AOAH: variants seen among roughly 807,000 people sequenced by gnomAD.
AOAH encodes the protein acyloxyacyl hydrolase, also known as acyloxyacyl hydrolase (neutrophil).
AOAH carries 64 observed loss-of-function variants against 92.2 expected under a neutral mutation model. The ratio of observed to expected loss-of-function variants is 0.69; its 90% CI spans 0.57 to 0.86. AOAH has a LOEUF of 0.86. Ranked by LOEUF, AOAH falls within the 40% of genes least tolerant of loss-of-function variation. The pLI, the probability that AOAH is intolerant of heterozygous loss-of-function variation, is 0.00. For missense variants in AOAH, 656 were observed against 694.6 expected (o/e 0.94, Z 0.62); for synonymous variants, 263 against 254.5 (o/e 1.03, Z -0.32).
chr7:36,594,760 T>G (rs1176722748), intron 11 of AOAH: 1 of 353,632 alleles, frequency 2.8e-6, no homozygotes, highest in East Asian at 7.0e-5. Flanking sequence ...TTTTGCAGTT[T>G]AGGCCATCAG....
chr7:36,573,929 A>G (rs1788316235), intron 13 of AOAH, among the ~76,000 whole-genome samples: 1 of 152,174 alleles, frequency 6.6e-6, no homozygotes, highest in African/African-American at 2.4e-5. Context: ...AAATCAGTGT[A>G]GCCCCATAAA....
intron 4 of AOAH, among the ~76,000 whole-genome samples, chr7:36,645,861 T>A (rs770578484): frequency 6.6e-6 from 1 of 152,206 alleles, no homozygotes; most frequent in Non-Finnish European, 1.5e-5. Flanking sequence ...GAATGCCTCT[T>A]CTTCATACAT....
chr7:36,643,965 T>G (rs1794076066), intron 4 of AOAH, among the ~76,000 whole-genome samples: 1 of 152,226 alleles, frequency 6.6e-6, no homozygotes, highest in Non-Finnish European at 1.5e-5. Context: ...CAATTAAACT[T>G]CTTTTCTCTA....
chr7:36,665,919 T>C (rs1302751042), intron 3 of AOAH, among the ~76,000 whole-genome samples: 1 of 152,116 alleles, frequency 6.6e-6, no homozygotes, highest in Non-Finnish European at 1.5e-5. Flanking sequence ...TAGCGTATAA[T>C]TCTTTTTAAA....
At chr7:36,608,671 T>C (rs1029852069) in intron 11 of AOAH, among the ~76,000 whole-genome samples, 1 of 152,214 alleles carries the variant, frequency 6.6e-6, no homozygotes, top group African/African-American at 2.4e-5. Flanking sequence ...GAGACTATTC[T>C]ACATGTAAGT....
intron 13 of AOAH, among the ~76,000 whole-genome samples, chr7:36,565,802 A>G (rs893466001): frequency 2.0e-5 from 3 of 152,038 alleles, no homozygotes; most frequent in Non-Finnish European, 4.4e-5. Flanking sequence ...CGGCTTCCCA[A>G]TGTGTTGAGA....
rs1008299176 is a variant in AOAH at position 36,614,862 on chromosome 7, T to G, written c.846+1518A>C. On this transcript the variant is annotated intron_variant, in intron 11 of 20. Transcript: ENST00000617537. The surrounding 1 kb of genome is among the most constrained non-coding windows in gnomAD (Gnocchi z 4.2). ...AGACTTTTGGGGGTCACCTGACTGCTGTGGACTGGGGAGACAGGCCCTGGG... is the reference window on the plus strand; with the variant it reads ...AGACTTTTGGGGGTCACCTGACTGCGGTGGACTGGGGAGACAGGCCCTGGG... Among the ~76,000 whole-genome samples, 5 of 152,146 alleles carry G rather than the reference T, an allele frequency of 3.3e-5. No homozygotes were observed. The highest frequency in any genetic ancestry group is 5.9e-5 in the Non-Finnish European group (4 of 68,002).
chr7:36,576,495 C>A, intron 13 of AOAH, 79 bp downstream of exon 13: 1 of 811,816 alleles, frequency 1.2e-6, no homozygotes, highest in Non-Finnish European at 1.9e-6. Flanking sequence ...TTATCTGAAT[C>A]TCAGCTTTTG....
intron 1 of AOAH, among the ~76,000 whole-genome samples, chr7:36,718,321 G>A (rs1240876788): frequency 1.3e-5 from 2 of 152,164 alleles, no homozygotes; most frequent in South Asian, 2.1e-4. Context: ...TTGGCAAGAA[G>A]GTGGAGAAGT....
chr7:36,658,052 G>GT (rs113137657), intron 4 of AOAH, among the ~76,000 whole-genome samples: 251 of 149,388 alleles, frequency 1.7e-3, no homozygotes, highest in African/African-American at 5.8e-3. Flanking sequence ...CACATGAAAA[G>GT]TTTTTTTTTT....
chr7:36,699,782 G>A (rs567941129), intron 1 of AOAH, among the ~76,000 whole-genome samples: 2 of 152,022 alleles, frequency 1.3e-5, no homozygotes, highest in East Asian at 3.9e-4. Flanking sequence ...TTGCTGTGCA[G>A]AAAGCTTTTA....
chr7:36,562,626 C>T (rs1369635767), intron 13 of AOAH, among the ~76,000 whole-genome samples: 1 of 152,156 alleles, frequency 6.6e-6, no homozygotes, highest in Non-Finnish European at 1.5e-5. Context: ...AGAAAGGTTT[C>T]ACATAATCCC....
intron 13 of AOAH, among the ~76,000 whole-genome samples, chr7:36,557,966 A>C (rs1454066372): frequency 6.6e-6 from 1 of 152,148 alleles, no homozygotes; most frequent in Non-Finnish European, 1.5e-5. Context: ...TGATCGTCTG[A>C]AGCCTTCTTC....
chr7:36,646,911 C>T (rs1209281068), intron 4 of AOAH, among the ~76,000 whole-genome samples: 7 of 152,196 alleles, frequency 4.6e-5, no homozygotes, highest in African/African-American at 1.7e-4. Flanking sequence ...CCTCAAAATT[C>T]CTTTTGCTGT....
intron 13 of AOAH, among the ~76,000 whole-genome samples, chr7:36,555,814 G>A (rs1489430407): frequency 6.6e-6 from 1 of 152,198 alleles, no homozygotes; most frequent in Non-Finnish European, 1.5e-5. Flanking sequence ...TTGTATTTCT[G>A]TGGGATCGGT....
chr7:36,588,019 G>A (rs1304260928), intron 12 of AOAH, among the ~76,000 whole-genome samples: 2 of 152,140 alleles, frequency 1.3e-5, no homozygotes, highest in Non-Finnish European at 2.9e-5. Context: ...ATCATCCTTT[G>A]TTAATTTATT....
intron 1 of AOAH, among the ~76,000 whole-genome samples, chr7:36,715,432 T>C (rs76580198): frequency 8.6e-5 from 13 of 151,946 alleles, no homozygotes; most frequent in Admixed American, 6.6e-5. Context: ...GTCATCCCCA[T>C]CAAGCTACCA....
intron 1 of AOAH, among the ~76,000 whole-genome samples, chr7:36,711,845 G>A (rs1236758047): frequency 6.6e-6 from 1 of 152,146 alleles, no homozygotes; most frequent in East Asian, 1.9e-4. Context: ...AACTTCACTT[G>A]CTGGCGCTCT....
intron 1 of AOAH, among the ~76,000 whole-genome samples, chr7:36,706,179 C>A (rs1798396167): frequency 1.3e-5 from 2 of 152,124 alleles, no homozygotes; most frequent in Non-Finnish European, 2.9e-5. Context: ...GTATTTCTTA[C>A]ATAATAAGAC....
Sources: gnomAD v4.1 joint callset for allele counts (sites outside exome capture counted in the v4.1 genomes callset) on GRCh38, gnomAD v4.1.1 for gene constraint, Gnocchi (gnomAD v3.1) non-coding constraint, MANE v1.5 for transcripts, NCBI Gene and HGNC (gene_info 2026-07-23, HGNC 2026-07-21) for gene names.